LOC400499: variants seen among roughly 807,000 people sequenced by gnomAD.
At chr16:11,439,869 C>G in the LOC400499 span, among the ~76,000 whole-genome samples, 2 of 152,002 alleles carry the variant, frequency 1.3e-5, no homozygotes, top group South Asian at 2.1e-4. Context: ...CCACCTTCTA[C>G]TTGACCCTGA....
the LOC400499 span, among the ~76,000 whole-genome samples, chr16:11,482,775 C>T: frequency 6.6e-6 from 1 of 151,626 alleles, no homozygotes; most frequent in African/African-American, 2.4e-5. Context: ...GCCTATAGTC[C>T]CAGCTACTCA....
chr16:11,416,682 C>T, the LOC400499 span, among the ~76,000 whole-genome samples: 104 of 151,942 alleles, frequency 6.8e-4, no homozygotes, highest in African/African-American at 2.3e-3. Flanking sequence ...TGGGAGGAAA[C>T]GGGGAGGTGG....
At chr16:11,424,326 C>G in the LOC400499 span, 2 of 399,626 alleles carry the variant, frequency 5.0e-6, no homozygotes, top group Non-Finnish European at 8.8e-6. Flanking sequence ...CAGGAGCATC[C>G]CTGCCTCGGA....
the LOC400499 span, among the ~76,000 whole-genome samples, chr16:11,418,758 T>C: frequency 2.6e-5 from 4 of 152,346 alleles, no homozygotes; most frequent in South Asian, 8.3e-4. Flanking sequence ...TGGCAGAGAC[T>C]GCAGGGCCAC....
At chr16:11,387,578 C>A in the LOC400499 span, among the ~76,000 whole-genome samples, 1 of 152,162 alleles carries the variant, frequency 6.6e-6, no homozygotes, top group Non-Finnish European at 1.5e-5. Flanking sequence ...CTCCCCGGGT[C>A]TTGGGCAGCA....
the LOC400499 span, among the ~76,000 whole-genome samples, chr16:11,519,375 G>GT: frequency 1.3e-5 from 2 of 152,026 alleles, no homozygotes; most frequent in African/African-American, 4.8e-5. Flanking sequence ...GGTGGGGAGG[G>GT]GGTTGCAAAA....
chr16:11,491,654 G>GCCCCCC, the LOC400499 span: 2 of 269,412 alleles, frequency 7.4e-6, no homozygotes, highest in Non-Finnish European at 6.9e-6. Flanking sequence ...TGCCCTCCCA[G>GCCCCCC]CCCCACCCCT....
chr16:11,385,853 A>G, the LOC400499 span, among the ~76,000 whole-genome samples: 5,990 of 152,296 alleles, frequency 0.039, 135 homozygotes, highest in Middle Eastern at 0.092. Context: ...TGAATAAATT[A>G]GAAGCCACTG....
the LOC400499 span, chr16:11,522,202 C>T: frequency 2.5e-6 from 1 of 395,938 alleles, no homozygotes; most frequent in Non-Finnish European, 4.5e-6. Context: ...TTGCTCACAC[C>T]TCTCTCTCTC....
At chr16:11,407,302 G>A in the LOC400499 span, 16 of 398,330 alleles carry the variant, frequency 4.0e-5, no homozygotes, top group African/African-American at 2.1e-4. Flanking sequence ...CGCCCAAGGC[G>A]AACATGCTCT....
the LOC400499 span, chr16:11,385,036 C>G: frequency 5.7e-6 from 7 of 1,232,160 alleles, no homozygotes; most frequent in African/African-American, 1.5e-5. Context: ...AACTGTCCCC[C>G]GGCAGGGAGG....
At chr16:11,372,470 C>T in the LOC400499 span, 1 of 152,338 alleles carries the variant, frequency 6.6e-6, no homozygotes, top group East Asian at 1.9e-4. Context: ...GCACTGTCTC[C>T]TGGTTTGCAG....
chr16:11,384,696 C>T, the LOC400499 span, among the ~76,000 whole-genome samples: 4 of 152,312 alleles, frequency 2.6e-5, no homozygotes, highest in East Asian at 3.9e-4. Context: ...GGCCTCTGTG[C>T]GGTCATCTGG....
At chr16:11,503,379 T>A in the LOC400499 span, among the ~76,000 whole-genome samples, 1 of 152,086 alleles carries the variant, frequency 6.6e-6, no homozygotes, top group African/African-American at 2.4e-5. Flanking sequence ...TGGAAAACCT[T>A]CCCTCCTGGT....
At chr16:11,478,470 T>G in the LOC400499 span, 4 of 398,774 alleles carry the variant, frequency 1.0e-5, no homozygotes, top group African/African-American at 8.2e-5. Flanking sequence ...TTTCATGCCC[T>G]TAAGTGCTTT....
chr16:11,386,129 C>T, the LOC400499 span, among the ~76,000 whole-genome samples: 1 of 152,336 alleles, frequency 6.6e-6, no homozygotes, highest in South Asian at 2.1e-4. Context: ...AGTGGATAGC[C>T]AACAGGTCCC....
the LOC400499 span, among the ~76,000 whole-genome samples, chr16:11,479,652 A>G: frequency 6.6e-6 from 1 of 152,072 alleles, no homozygotes; most frequent in Non-Finnish European, 1.5e-5. Context: ...AGAAAAAAAG[A>G]AAATTTGCAA....
the LOC400499 span, chr16:11,387,237 C>T: frequency 3.2e-6 from 4 of 1,232,224 alleles, no homozygotes; most frequent in Admixed American, 4.2e-5. Flanking sequence ...ACCCGGGCCA[C>T]GTCCAGGGGC....
the LOC400499 span, among the ~76,000 whole-genome samples, chr16:11,420,570 T>C: frequency 6.7e-6 from 1 of 148,974 alleles, no homozygotes. Context: ...ATTGTGCACA[T>C]GTACCCTAAA....
Sources: allele counts gnomAD v4.1 joint callset (sites outside exome capture counted in the v4.1 genomes callset), GRCh38; gene constraint gnomAD v4.1.1; transcripts MANE v1.5.